DENND1A: variants seen among roughly 807,000 people sequenced by gnomAD.
DENND1A encodes the protein DENN domain containing 1A, also known as DENN domain-containing protein 1A.
DENND1A carries 51 observed loss-of-function variants against 113.7 expected under a neutral mutation model. That is an observed-to-expected ratio of 0.45 (90% CI 0.36 to 0.57). The LOEUF is 0.57. Ranked by LOEUF, DENND1A falls within the 20% of genes least tolerant of loss-of-function variation. The pLI is 0.00. For synonymous variants in DENND1A, 565 were observed against 570.8 expected (o/e 0.99, Z 0.14); for missense variants, 1,258 against 1,395.9 (o/e 0.90, Z 1.57).
chr9:123,902,459 T>A (rs918155372), intron 1 of DENND1A, among the ~76,000 whole-genome samples: 11 of 152,112 alleles, frequency 7.2e-5, no homozygotes, highest in African/African-American at 2.7e-4. Flanking sequence ...CATAAACCAG[T>A]TCTTCAGCCA....
chr9:123,572,579 G>C (rs1484685487), intron 12 of DENND1A, among the ~76,000 whole-genome samples: 1 of 152,158 alleles, frequency 6.6e-6, no homozygotes, highest in East Asian at 1.9e-4. Flanking sequence ...TAACGATGCG[G>C]AGTATCTTTT....
chr9:123,645,409 G>T (rs895418543), intron 9 of DENND1A, among the ~76,000 whole-genome samples: 6 of 152,142 alleles, frequency 3.9e-5, no homozygotes, highest in Non-Finnish European at 7.4e-5. Context: ...GATGGCCTTT[G>T]CATATCCCCC....
At chr9:123,414,524 TC>T in intron 19 of DENND1A, 1 of 1,548,690 alleles carries the variant, frequency 6.5e-7, no homozygotes, top group East Asian at 2.4e-5. Flanking sequence ...AAAAGGAGGT[TC>T]CCCAGCCAGG....
intron 13 of DENND1A, among the ~76,000 whole-genome samples, chr9:123,483,797 T>C (rs919232338): frequency 3.9e-5 from 6 of 152,218 alleles, no homozygotes; most frequent in African/African-American, 1.4e-4. Context: ...TCCATCTACC[T>C]CCCAGAGTTG....
intron 1 of DENND1A, among the ~76,000 whole-genome samples, chr9:123,910,050 T>C (rs1466235136): frequency 6.6e-6 from 1 of 152,150 alleles, no homozygotes; most frequent in African/African-American, 2.4e-5. Context: ...AGGAGAGATA[T>C]GTCATCTTCA....
intron 9 of DENND1A, among the ~76,000 whole-genome samples, chr9:123,642,991 G>C (rs967475693): frequency 6.6e-6 from 1 of 152,118 alleles, no homozygotes; most frequent in Admixed American, 6.5e-5. Flanking sequence ...CCCTTTCTTA[G>C]GGCTCAAGAC....
At chr9:123,897,549 G>A (rs1392526360) in intron 1 of DENND1A, among the ~76,000 whole-genome samples, 7 of 152,170 alleles carry the variant, frequency 4.6e-5, no homozygotes, top group Admixed American at 4.6e-4. Flanking sequence ...GAAGTACACA[G>A]CAGAGCAGGG....
intron 20 of DENND1A, among the ~76,000 whole-genome samples, chr9:123,406,480 G>C (rs1186792695): frequency 1.3e-5 from 2 of 152,216 alleles, no homozygotes; most frequent in Non-Finnish European, 2.9e-5. Context: ...ATGAGTTTTA[G>C]GATTCTCTTA....
chr9:123,450,430 G>A (rs1181951820), intron 18 of DENND1A, among the ~76,000 whole-genome samples: 1 of 152,234 alleles, frequency 6.6e-6, no homozygotes, highest in Non-Finnish European at 1.5e-5. Flanking sequence ...GCCTGGTGGG[G>A]TGGGCAAGGG....
chr9:123,642,480 T>G (rs2062081338), intron 9 of DENND1A, among the ~76,000 whole-genome samples: 1 of 152,264 alleles, frequency 6.6e-6, no homozygotes, highest in Non-Finnish European at 1.5e-5. Context: ...ATTAGTTTTC[T>G]TCTCACTTCT....
chr9:123,760,138 T>C (rs1191096158), intron 4 of DENND1A, among the ~76,000 whole-genome samples: 1 of 152,222 alleles, frequency 6.6e-6, no homozygotes, highest in Non-Finnish European at 1.5e-5. Flanking sequence ...TGTATTCAAA[T>C]TGGTAAAATA....
chr9:123,416,701 G>C (rs1387800084), intron 19 of DENND1A, among the ~76,000 whole-genome samples: 1 of 152,216 alleles, frequency 6.6e-6, no homozygotes, highest in Admixed American at 6.5e-5. Context: ...CCGGCGAAGC[G>C]GGGAGAAGGC....
chr9:123,486,330 A>C lies in DENND1A; in HGVS notation c.994-28433T>G, dbSNP rs1056263327. On this transcript the variant is annotated intron_variant, in intron 13 of 23. Coordinates refer to ENST00000394215, the MANE Select transcript of DENND1A (RefSeq NM_001352964.2). ...TACAGGAACAGAGACTCGCCCCCGGAACACTGTGCTCTTAGATGCCAGCGC... is the reference window on the plus strand; with the variant it reads ...TACAGGAACAGAGACTCGCCCCCGGCACACTGTGCTCTTAGATGCCAGCGC... Among the ~76,000 whole-genome samples, 7 of 152,204 alleles carry C rather than the reference A, an allele frequency of 4.6e-5. No homozygotes were observed. In the East Asian group the frequency reaches 1.4e-3, roughly 29 times the overall value.
chr9:123,644,409 A>T (rs185341497), intron 9 of DENND1A, among the ~76,000 whole-genome samples: 1 of 145,842 alleles, frequency 6.9e-6, no homozygotes, highest in Admixed American at 6.7e-5. Flanking sequence ...AAAACCTCTA[A>T]GTACTATACA....
intron 18 of DENND1A, among the ~76,000 whole-genome samples, chr9:123,442,792 T>C (rs2132422298): frequency 6.6e-6 from 1 of 152,362 alleles, no homozygotes; most frequent in East Asian, 1.9e-4. Flanking sequence ...TGTCTAATCT[T>C]TCCAAATCAC....
chr9:123,445,384 G>A (rs2047227627), intron 18 of DENND1A, among the ~76,000 whole-genome samples: 1 of 152,238 alleles, frequency 6.6e-6, no homozygotes, highest in Non-Finnish European at 1.5e-5. Context: ...CCCAGGCAAG[G>A]AGGTGGAAGG....
intron 13 of DENND1A, among the ~76,000 whole-genome samples, chr9:123,495,090 C>T (rs551342248): frequency 6.7e-6 from 1 of 150,258 alleles, no homozygotes; most frequent in East Asian, 1.9e-4. Context: ...CTGCACCTGG[C>T]CTTTTGTACT....
intron 21 of DENND1A, among the ~76,000 whole-genome samples, chr9:123,392,855 T>C (rs2042927222): frequency 6.6e-6 from 1 of 152,194 alleles, no homozygotes; most frequent in Non-Finnish European, 1.5e-5. Flanking sequence ...CCTTATGTCA[T>C]TCTTACGCCT....
rs549506449 is a variant in DENND1A, at chr9:123,793,678, G to C, written c.89-1048C>G. Among the ~76,000 whole-genome samples the C allele has an allele frequency of 2.2e-4, 34 of 152,096 alleles. 1 individual carries two copies. The highest frequency in any genetic ancestry group is 7.7e-4 in the African/African-American group (32 of 41,490). ...CTTGTGAAAATGAATCCACGTAAAA[G>C]TTCACTGCAGTCCATTTCTTCAGTG... On this transcript the variant is annotated intron_variant, in intron 2 of 23. Transcript: ENST00000394215.
Sources: gnomAD v4.1 joint callset for allele counts (sites outside exome capture counted in the v4.1 genomes callset) on GRCh38, gnomAD v4.1.1 for gene constraint, MANE v1.5 for transcripts, NCBI Gene and HGNC (gene_info 2026-07-23, HGNC 2026-07-21) for gene names.